NCAPG2: variants seen among roughly 807,000 people sequenced by gnomAD.
The protein encoded by NCAPG2 is condensin-2 complex subunit G2.
NCAPG2 carries 53 observed loss-of-function variants against 141.1 expected under a neutral mutation model. The observed-to-expected ratio is 0.38, with a 90% CI of 0.30 to 0.47. NCAPG2 has a LOEUF of 0.47. Among genes scored for constraint, NCAPG2 ranks in the 20% least tolerant of loss-of-function variants. The probability of loss-of-function intolerance (pLI) is 0.99; values close to 1 mark genes in which losing one functional copy is unlikely to be tolerated. For missense variants in NCAPG2, 1,087 were observed against 1,389.0 expected (o/e 0.78, Z 3.46); for synonymous variants, 499 against 490.7 (o/e 1.02, Z -0.22).
Position 158,664,207 on chromosome 7 carries a change from C to T in NCAPG2, c.1792G>A (p.Gly598Arg), listed in dbSNP as rs746978951. 13 of 1,611,790 alleles carry T rather than the reference C, an allele frequency of 8.1e-6. No individual in the cohort carries two copies. The highest frequency in any genetic ancestry group is 4.5e-5 in the East Asian group (2 of 44,890). The change falls in exon 15 of 28, where the codon GGA becomes AGA. Residue 598 changes from glycine to arginine, a missense_variant. Gly to Arg is a moderately radical substitution (Grantham distance 125, BLOSUM62 -2). Coordinates refer to ENST00000356309, the MANE Select transcript of NCAPG2 (RefSeq NM_017760.7). ...ACAGTCACATTCTCCTTCTCCCTTC[C>T]GTCCTCTTCCTCCTCGTCCTCTGGA... ...EPPEDEEEED[G>R]REKENVTVLD...
At chr7:158,637,065 A>C (rs1169449751) in intron 27 of NCAPG2, among the ~76,000 whole-genome samples, 3 of 151,690 alleles carry the variant, frequency 2.0e-5, no homozygotes, top group African/African-American at 4.9e-5. Flanking sequence ...CTCCTGCCTC[A>C]GCCTCCCGAG....
intron 27 of NCAPG2, among the ~76,000 whole-genome samples, chr7:158,639,360 G>C (rs1830489712): frequency 6.6e-6 from 1 of 152,010 alleles, no homozygotes; most frequent in Admixed American, 6.6e-5. Flanking sequence ...CACCTGCCTT[G>C]GCCTCCCAAA....
intron 17 of NCAPG2, 58 bp from the exon 18 acceptor site, chr7:158,656,763 G>C: frequency 6.4e-7 from 1 of 1,564,682 alleles, no homozygotes; most frequent in Non-Finnish European, 8.7e-7. Context: ...CCCCAACTTT[G>C]TCAAAAGGTG....
At chr7:158,684,712 T>C (rs1226727977) in intron 8 of NCAPG2, among the ~76,000 whole-genome samples, 1 of 152,170 alleles carries the variant, frequency 6.6e-6, no homozygotes, top group African/African-American at 2.4e-5. Context: ...AGTCAAATAG[T>C]TTTTATTTTG....
chr7:158,656,204 G>A, intron 19 of NCAPG2, 56 bp downstream of exon 19: 1 of 1,565,504 alleles, frequency 6.4e-7, no homozygotes, highest in Admixed American at 1.8e-5. Flanking sequence ...TTCACACTTT[G>A]ATTTGTCACC....
chr7:158,643,765 T>C (rs1201726670), intron 27 of NCAPG2, among the ~76,000 whole-genome samples: 2 of 152,198 alleles, frequency 1.3e-5, no homozygotes, highest in East Asian at 1.9e-4. Context: ...ACCGAGTCTA[T>C]AGTAAAATGC....
intron 9 of NCAPG2, among the ~76,000 whole-genome samples, chr7:158,682,333 C>G (rs1398032467): frequency 6.7e-6 from 1 of 149,516 alleles, no homozygotes; most frequent in East Asian, 2.0e-4. Flanking sequence ...TAAAGCCACA[C>G]TGGGATGGGG....
chr7:158,691,762 T>G (rs2129469092), intron 4 of NCAPG2, among the ~76,000 whole-genome samples: 1 of 152,290 alleles, frequency 6.6e-6, no homozygotes, highest in East Asian at 1.9e-4. Flanking sequence ...ACAGTAAAAC[T>G]CCCCTAGGAG....
chr7:158,645,441 C>G, intron 26 of NCAPG2, 78 bp downstream of exon 26: 3 of 1,302,352 alleles, frequency 2.3e-6, no homozygotes, highest in Non-Finnish European at 3.3e-6. Flanking sequence ...AGTGCAGGGG[C>G]TGATCCCCGG....
intron 13 of NCAPG2, among the ~76,000 whole-genome samples, 171 bp downstream of exon 13, chr7:158,671,343 A>C (rs1833671389): frequency 6.6e-6 from 1 of 152,264 alleles, no homozygotes; most frequent in Non-Finnish European, 1.5e-5. Flanking sequence ...CACATTGATA[A>C]TATTTCTAGA....
chr7:158,691,753 C>A (rs528174414), intron 4 of NCAPG2, among the ~76,000 whole-genome samples: 1 of 152,124 alleles, frequency 6.6e-6, no homozygotes, highest in Non-Finnish European at 1.5e-5. Context: ...AATTTCAATA[C>A]AGTAAAACTC....
At chr7:158,704,522 A>G (rs1466415920) in intron 1 of NCAPG2, among the ~76,000 whole-genome samples, 1 of 152,144 alleles carries the variant, frequency 6.6e-6, no homozygotes. Context: ...GGCGTCGCTG[A>G]GCTGGGTAGG....
intron 12 of NCAPG2, among the ~76,000 whole-genome samples, chr7:158,674,514 T>C (rs1833937691): frequency 1.3e-5 from 2 of 152,190 alleles, no homozygotes; most frequent in African/African-American, 4.8e-5. Context: ...GGTCTCGAGC[T>C]CGTGAACTCA....
In NCAPG2 at chr7:158,653,842, T is replaced by C. The variant is rs1176983279; in HGVS notation, c.2746+753A>G. Among the ~76,000 whole-genome samples the C allele has an allele frequency of 6.6e-5, 10 of 152,192 alleles. No homozygotes were observed. In the East Asian group the frequency reaches 1.7e-3, roughly 26 times the overall value. On this transcript the variant is annotated intron_variant, in intron 22 of 27. Transcript: ENST00000356309. ...GAGAATCAAATGCAGCACTGGGATA[T>C]TGGGATACTACTTAAAAACCATCCA...
chr7:158,650,984 C>A lies in NCAPG2; in HGVS notation c.2935-12G>T, dbSNP rs1249550079. 6.4e-7 allele frequency: 1 copy of A among 1,556,020 alleles called. No individual in the cohort carries two copies. Among genetic ancestry groups the A allele is most frequent in the Non-Finnish European group, 8.6e-7 (1 of 1,158,562 alleles). The stretch of plus-strand genomic sequence containing the variant: ...ACAGAATAAAGCAGCTACAAGAAAA[C>A]ACATACGTCACTTTTAATGACTAAA... On this transcript the variant is annotated splice_polypyrimidine_tract_variant and intron_variant, in intron 23 of 27. Transcript: ENST00000356309.
rs1239047650 is a variant in NCAPG2, at chr7:158,652,268, C to A, written c.2934+25G>T. ...AGCCCTGAAAAGCCCATCTAGCGAA[C>A]CCCGTCCTGGGGAGTTCTGAGTACC... On this transcript the variant is annotated intron_variant, in intron 23 of 27. Coordinates refer to ENST00000356309, the MANE Select transcript of NCAPG2 (RefSeq NM_017760.7). 2.5e-6 allele frequency: 4 copies of A among 1,604,658 alleles called. No individual in the cohort carries two copies. The South Asian group carries it at 4.5e-5, about 18-fold the overall frequency.
rs563096258 is a variant in NCAPG2, at chr7:158,690,671, T to C, written c.434A>G (p.Gln145Arg). The C allele has an allele frequency of 8.7e-6, 14 of 1,614,104 alleles. No individual in the cohort carries two copies. The highest frequency in any genetic ancestry group is 7.7e-5 in the South Asian group (7 of 91,086). The part of the protein sequence containing the change: ...ESERKLQSSI[Q>R]DLCVTWWEKG... Reference sequence around the variant, plus strand: ...CTCCCACCAGGTAACACACAAATCCTGAATAGAACTCTGTAGTTTTCGTTC... The same window carrying C: ...CTCCCACCAGGTAACACACAAATCCCGAATAGAACTCTGTAGTTTTCGTTC... The change falls in exon 5 of 28, where the codon CAG (glutamine) becomes CGG (arginine). Residue 145 changes from glutamine (Q) to arginine (R), a missense_variant. Gln to Arg is a conservative substitution (Grantham distance 43, BLOSUM62 1). Coordinates refer to ENST00000356309, the MANE Select transcript of NCAPG2 (RefSeq NM_017760.7).
chr7:158,674,149 A>G, intron 12 of NCAPG2, among the ~76,000 whole-genome samples: 1 of 152,242 alleles, frequency 6.6e-6, no homozygotes, highest in East Asian at 1.9e-4. Context: ...AAACACAGAC[A>G]TGCTCCTCAG....
intron 2 of NCAPG2, among the ~76,000 whole-genome samples, chr7:158,697,230 T>A (rs189462007): frequency 6.6e-6 from 1 of 152,242 alleles, no homozygotes; most frequent in African/African-American, 2.4e-5. Flanking sequence ...AAGACAGTGA[T>A]ACTGATGATC....
Sources: allele counts gnomAD v4.1 joint callset (sites outside exome capture counted in the v4.1 genomes callset), GRCh38; gene constraint gnomAD v4.1.1; transcripts MANE v1.5; gene names NCBI Gene and HGNC (gene_info 2026-07-23, HGNC 2026-07-21).